NUP62: variants seen among roughly 807,000 people sequenced by gnomAD.
NUP62 encodes nuclear pore glycoprotein p62.
For synonymous variants in NUP62, 305 were observed against 303.4 expected (o/e 1.01, Z -0.05); for missense variants, 647 against 689.4 (o/e 0.94, Z 0.69).
chr19:49,928,121 G>A (rs1009705157), intron 1 of NUP62: 14 of 152,306 alleles, frequency 9.2e-5, no homozygotes, highest in African/African-American at 3.4e-4. Flanking sequence ...TTAGAGGGAT[G>A]AGGGAGACAG....
At chr19:49,913,848 C>T (rs563029489) in intron 2 of NUP62, among the ~76,000 whole-genome samples, 9 of 152,158 alleles carry the variant, frequency 5.9e-5, no homozygotes, top group East Asian at 1.9e-4. Context: ...GCTAACGGTT[C>T]GGGCGTTATA....
intron 2 of NUP62, among the ~76,000 whole-genome samples, chr19:49,914,745 T>TTTTTG: frequency 7.6e-6 from 1 of 131,566 alleles, no homozygotes; most frequent in African/African-American, 2.8e-5. Context: ...TTTTTTTTTT[T>TTTTTG]TTTTTTTTTT....
Position 49,908,482 on chromosome 19 carries a change from T to C in NUP62, c.1326A>G (p.Ala442=). The C allele has an allele frequency of 6.2e-7, 1 of 1,614,146 alleles. No individual in the cohort carries two copies. Among genetic ancestry groups the C allele is most frequent in the Non-Finnish European group, 8.5e-7 (1 of 1,180,042 alleles). ...KTYKLAENID[A]QLKRMAQDLK... ...GATCCTGGGCCATGCGCTTGAGCTG[T>C]GCATCGATGTTCTCAGCCAGCTTGT... Residue 442 remains alanine (A), a synonymous_variant, in exon 3 of 3, where the codon GCA becomes GCG. Transcript: ENST00000352066.
intron 2 of NUP62, among the ~76,000 whole-genome samples, chr19:49,915,762 G>A (rs1212252805): frequency 6.6e-6 from 1 of 152,206 alleles, no homozygotes; most frequent in Non-Finnish European, 1.5e-5. Context: ...AAAGTGAGGT[G>A]TGATTCTGAA....
In NUP62 at chr19:49,907,805, A is replaced by C. The variant is rs989727552; in HGVS notation, c.*434T>G. On this transcript the variant is annotated 3_prime_UTR_variant, in exon 3 of 3. Transcript: ENST00000352066. ...CCCGCCTTGGCCACCCAAAGTGCTG[A>C]GATTACAGGGGTGAGCCACTGCGCC... The C allele has an allele frequency of 3.3e-5, 11 of 334,150 alleles. No homozygotes were observed. In the Middle Eastern group the frequency reaches 3.2e-3, roughly 98 times the overall value. 20.7% of individuals were successfully genotyped at this position (334,150 alleles called of 1,614,324 possible).
chr19:49,914,028 G>A (rs891694173), intron 2 of NUP62, among the ~76,000 whole-genome samples: 8 of 152,086 alleles, frequency 5.3e-5, no homozygotes, highest in African/African-American at 1.2e-4. Flanking sequence ...TGTTAAATTT[G>A]CACCAAAACC....
chr19:49,910,728 TGGGGGA>T (rs2075443195), intron 2 of NUP62, among the ~76,000 whole-genome samples: 2 of 64,244 alleles, frequency 3.1e-5, no homozygotes, highest in African/African-American at 1.2e-4. Context: ...GGGGTGGGGG[TGGGGGA>T]GGGATAAAGA....
In NUP62 at chr19:49,907,181, C is replaced by T; in HGVS notation, c.*1058G>A. The T allele has an allele frequency of 5.7e-6, 1 of 174,846 alleles. No homozygotes were observed. The highest frequency in any genetic ancestry group is 1.0e-4 in the South Asian group (1 of 9,928). 10.8% of individuals were successfully genotyped at this position (174,846 alleles called of 1,614,324 possible). ...CACAATCTAACAGCGAGACGAGGCA[C>T]AAACGGCTAGCACAGGATAGCATAA... On this transcript the variant is annotated 3_prime_UTR_variant, in exon 3 of 3. Transcript: ENST00000352066.
intron 2 of NUP62, among the ~76,000 whole-genome samples, chr19:49,916,904 G>C (rs113493051): frequency 6.6e-6 from 1 of 152,304 alleles, no homozygotes; most frequent in East Asian, 1.9e-4. Context: ...CTGGGCGGCT[G>C]AGCGAGACCC....
chr19:49,926,208 C>CAAAAAA (rs33981121), intron 2 of NUP62, among the ~76,000 whole-genome samples: 2 of 42,506 alleles, frequency 4.7e-5, no homozygotes, highest in Non-Finnish European at 4.2e-5. Flanking sequence ...GACTCTGTCT[C>CAAAAAA]AAAAAAAAAA....
In NUP62 at chr19:49,907,374, C is replaced by T; in HGVS notation, c.*865G>A. ...TCGGCGCCCATCTGTGGTTCCTCAA[C>T]ACCCTGTGTGTGCAGGCCCCTCAGC... On this transcript the variant is annotated 3_prime_UTR_variant, in exon 3 of 3. Transcript: ENST00000352066. The T allele has an allele frequency of 2.9e-6, 1 of 339,132 alleles. No individual in the cohort carries two copies. Among genetic ancestry groups the T allele is most frequent in the Non-Finnish European group, 5.7e-6 (1 of 176,756 alleles). The allele number at this position is 339,132 out of a possible 1,614,324, so 21.0% of individuals were successfully genotyped here.
At chr19:49,918,895 T>TGGGGGGGGGGGGGGG (rs56129490) in intron 2 of NUP62, among the ~76,000 whole-genome samples, 20 of 72,346 alleles carry the variant, frequency 2.8e-4, no homozygotes, top group African/African-American at 5.9e-4. Context: ...TTTGGGAGGC[T>TGGGGGGGGGGGGGGG]GGGGGGGGGG....
Position 49,908,786 on chromosome 19 carries a change from C to A in NUP62, c.1022G>T (p.Ser341Ile), listed in dbSNP as rs947091008. 4.3e-6 allele frequency: 7 copies of A among 1,613,772 alleles called. No individual in the cohort carries two copies. Among genetic ancestry groups the A allele is most frequent in the Non-Finnish European group, 5.9e-6 (7 of 1,180,038 alleles). Residue 341 changes from serine to isoleucine, a missense_variant, in exon 3 of 3, where the codon AGC becomes ATC. Ser to Ile is a moderately radical substitution (Grantham distance 142). Coordinates refer to ENST00000352066, the MANE Select transcript of NUP62 (RefSeq NM_016553.5). ...AQLESLINKW[S>I]LELEDQERHF... ...CCGCTCCTGGTCCTCTAGCTCCAGG[C>A]TCCATTTGTTGATCAGGCTCTCCAG...
intron 2 of NUP62, among the ~76,000 whole-genome samples, chr19:49,925,257 G>A (rs962288409): frequency 3.3e-5 from 5 of 151,676 alleles, no homozygotes; most frequent in Non-Finnish European, 5.9e-5. Flanking sequence ...GTGAAACTCC[G>A]TCTCAAAAAA....
chr19:49,927,349 T>C lies in NUP62; in HGVS notation c.-78+345A>G, dbSNP rs535638478. ...CCTGGGGCCACATTGAAGAATTGTC[T>C]TAGGCCACACATAACATACACTATT... On this transcript the variant is annotated intron_variant, in intron 2 of 2. Transcript: ENST00000352066. Among the ~76,000 whole-genome samples, 94 of 152,202 alleles carry C rather than the reference T, an allele frequency of 6.2e-4. 1 individual carries two copies. Among genetic ancestry groups the C allele is most frequent in the Middle Eastern group, 3.4e-3 (1 of 294 alleles).
chr19:49,910,396 G>A (rs1213501210), intron 2 of NUP62, among the ~76,000 whole-genome samples: 1 of 152,010 alleles, frequency 6.6e-6, no homozygotes, highest in Admixed American at 6.6e-5. Flanking sequence ...GTTGCTGAAG[G>A]CCCCCCAGGC....
chr19:49,908,814 G>T lies in NUP62; in HGVS notation c.994C>A (p.Gln332Lys). The T allele has an allele frequency of 6.2e-7, 1 of 1,613,586 alleles. No individual in the cohort carries two copies. The change falls in exon 3 of 3, where the codon CAG (glutamine) becomes AAG (lysine). Residue 332 changes from glutamine (Q) to lysine (K), a missense_variant. Transcript: ENST00000352066. The part of the protein sequence containing the change: ...AAASSAMTYA[Q>K]LESLINKWSL... ...CATTTGTTGATCAGGCTCTCCAGCTGCGCGTAGGTCATGGCGGAGCTGGCA... is the reference window on the plus strand; with the variant it reads ...CATTTGTTGATCAGGCTCTCCAGCTTCGCGTAGGTCATGGCGGAGCTGGCA...
intron 2 of NUP62, among the ~76,000 whole-genome samples, chr19:49,918,983 C>T (rs1490044928): frequency 1.3e-5 from 2 of 150,624 alleles, no homozygotes; most frequent in Non-Finnish European, 2.9e-5. Flanking sequence ...AACCCCATCT[C>T]TACAAAAAAA....
chr19:49,914,613 G>A (rs911758577), intron 2 of NUP62, among the ~76,000 whole-genome samples: 3 of 151,930 alleles, frequency 2.0e-5, no homozygotes, highest in Admixed American at 6.6e-5. Flanking sequence ...GAATTCAGGT[G>A]GGCATATCCC....
Sources: allele counts gnomAD v4.1 joint callset (sites outside exome capture counted in the v4.1 genomes callset), GRCh38; gene constraint gnomAD v4.1.1; transcripts MANE v1.5; gene names NCBI Gene and HGNC (gene_info 2026-07-23, HGNC 2026-07-21).